Variants in GRIA1 observed in about 807,000 individuals in gnomAD.
The protein encoded by GRIA1 is glutamate ionotropic receptor AMPA type subunit 1.
Under a neutral mutation model 99.2 loss-of-function variants are expected in GRIA1, and 31 were observed. That is an observed-to-expected ratio of 0.31 (90% CI 0.23 to 0.42). The LOEUF is 0.42. GRIA1 is among the 10% of genes least tolerant of loss of function. The pLI is 1.00. For missense variants in GRIA1, 782 were observed against 1,157.5 expected (o/e 0.68, Z 4.71); for synonymous variants, 438 against 432.4 (o/e 1.01, Z -0.16).
At chr5:153,678,840 G>A (rs1182151437) in intron 7 of GRIA1, among the ~76,000 whole-genome samples, 2 of 152,174 alleles carry the variant, frequency 1.3e-5, no homozygotes, top group African/African-American at 4.8e-5. Context: ...CGTCCAGCTG[G>A]GCCCCTGGCT....
chr5:153,621,427 C>A (rs1270745901), intron 2 of GRIA1, among the ~76,000 whole-genome samples: 1 of 145,116 alleles, frequency 6.9e-6, no homozygotes, highest in Admixed American at 6.9e-5. Context: ...CACAGTGAGA[C>A]CCTATCTTTA....
chr5:153,704,827 A>C (rs1275874671), intron 10 of GRIA1, among the ~76,000 whole-genome samples: 1 of 152,178 alleles, frequency 6.6e-6, no homozygotes, highest in African/African-American at 2.4e-5. Context: ...TATATCTTGG[A>C]TAACACATAC....
chr5:153,530,228 C>T (rs185386252), intron 2 of GRIA1, among the ~76,000 whole-genome samples: 258 of 152,328 alleles, frequency 1.7e-3, no homozygotes, highest in African/African-American at 5.9e-3. Flanking sequence ...GGTCACATAG[C>T]TAATAGTGGT....
At chr5:153,559,828 C>T (rs115296433) in intron 2 of GRIA1, among the ~76,000 whole-genome samples, 1,882 of 151,404 alleles carry the variant, frequency 0.012, 27 homozygotes, top group African/African-American at 0.039. Context: ...TAATTTTATA[C>T]AAAAAAAAAT....
At chr5:153,761,593 G>A (rs1041756017) in intron 11 of GRIA1, among the ~76,000 whole-genome samples, 1 of 152,090 alleles carries the variant, frequency 6.6e-6, no homozygotes, top group African/African-American at 2.4e-5. Flanking sequence ...CAGCCATCAT[G>A]GACAGCATTA....
At position 153,580,252 on chromosome 5, in the gene GRIA1, A is replaced by G. The variant is rs138853059; in HGVS notation, c.221-66676A>G. On this transcript the variant is annotated intron_variant, in intron 2 of 15. Transcript: ENST00000285900. ...GTTAATTGATAATTTTTTCTTTGCA[A>G]TGGAAGGGAGGTCTCTGTGACCTTG... Among the ~76,000 whole-genome samples the G allele has an allele frequency of 1.1e-4, 16 of 152,294 alleles. No individual in the cohort carries two copies. The East Asian group carries it at 2.7e-3, about 26-fold the overall frequency.
intron 2 of GRIA1, among the ~76,000 whole-genome samples, chr5:153,616,307 T>G (rs1766496625): frequency 6.6e-6 from 1 of 152,224 alleles, no homozygotes; most frequent in Non-Finnish European, 1.5e-5. Flanking sequence ...GTGTGTTTCC[T>G]GATTATAATT....
intron 2 of GRIA1, among the ~76,000 whole-genome samples, chr5:153,520,038 T>A (rs189069107): frequency 1.3e-5 from 2 of 152,158 alleles, no homozygotes; most frequent in Non-Finnish European, 2.9e-5. Context: ...GTTAGGTTCG[T>A]AGTAACAATA....
At chr5:153,760,753 C>T (rs1763127065) in intron 11 of GRIA1, among the ~76,000 whole-genome samples, 1 of 152,058 alleles carries the variant, frequency 6.6e-6, no homozygotes. Context: ...CTAGAAGCAC[C>T]ACACTACCTG....
At chr5:153,668,414 G>GA (rs1398305496) in intron 5 of GRIA1, among the ~76,000 whole-genome samples, 2 of 151,994 alleles carry the variant, frequency 1.3e-5, no homozygotes, top group East Asian at 1.9e-4. Flanking sequence ...TAATTGTTGG[G>GA]AAAAAAATCA....
chr5:153,542,372 A>C (rs1431479056), intron 2 of GRIA1, among the ~76,000 whole-genome samples: 1 of 152,148 alleles, frequency 6.6e-6, no homozygotes, highest in Non-Finnish European at 1.5e-5. Context: ...ATCAGCATGG[A>C]TCACAATTCT....
intron 13 of GRIA1, among the ~76,000 whole-genome samples, chr5:153,793,223 A>C (rs556398490): frequency 4.9e-4 from 75 of 152,340 alleles, no homozygotes; most frequent in African/African-American, 1.8e-3. Flanking sequence ...AACTGTCTAC[A>C]TTCAGCAGTG....
chr5:153,636,383 A>G (rs1199256618), intron 2 of GRIA1, among the ~76,000 whole-genome samples: 1 of 152,188 alleles, frequency 6.6e-6, no homozygotes, highest in Admixed American at 6.5e-5. Context: ...GGAGTTTACA[A>G]ACTACAGCCC....
intron 2 of GRIA1, among the ~76,000 whole-genome samples, chr5:153,533,799 G>A (rs1014056627): frequency 2.0e-5 from 3 of 152,182 alleles, no homozygotes; most frequent in Admixed American, 6.5e-5. Flanking sequence ...TATGAGTGCC[G>A]AGCATTCTTC....
intron 5 of GRIA1, among the ~76,000 whole-genome samples, chr5:153,671,686 T>C (rs1561751224): frequency 1.3e-5 from 2 of 152,228 alleles, no homozygotes; most frequent in African/African-American, 2.4e-5. Context: ...TCCTGGATAA[T>C]TGGCTTTCTT....
chr5:153,811,393 G>T lies in GRIA1; in HGVS notation c.*168G>T. The T allele has an allele frequency of 1.7e-6, 1 of 598,660 alleles. No individual in the cohort carries two copies. The allele number at this position is 598,660 out of a possible 1,614,324, so 37.1% of individuals were successfully genotyped here. A position where few individuals can be genotyped will look rare whatever the true frequency, so the allele number is the denominator to read the frequency against. ...TCCTGAAGAATTGAAAAACCATTTT[G>T]CTGTCCCTTTTCCTTTTTTGATGTT... On this transcript the variant is annotated 3_prime_UTR_variant, in exon 16 of 16. Coordinates refer to ENST00000285900, the MANE Select transcript of GRIA1 (RefSeq NM_000827.4).
chr5:153,643,835 T>G (rs1374520248), intron 2 of GRIA1, among the ~76,000 whole-genome samples: 1 of 152,194 alleles, frequency 6.6e-6, no homozygotes, highest in Non-Finnish European at 1.5e-5. Flanking sequence ...TGTCCTGGCC[T>G]CCTGTGTGTC....
In GRIA1 at chr5:153,728,876, A is replaced by G. The variant is rs1015579114; in HGVS notation, c.1823+22809A>G. Reference sequence around the variant, plus strand: ...AAATACCATTTGACCCAGCCATCCCATTACTGGGTATATACCCAAAGGACT... The same window carrying G: ...AAATACCATTTGACCCAGCCATCCCGTTACTGGGTATATACCCAAAGGACT... On this transcript the variant is annotated intron_variant, in intron 11 of 15. Coordinates refer to ENST00000285900, the MANE Select transcript of GRIA1 (RefSeq NM_000827.4). Among the ~76,000 whole-genome samples, 14 of 111,052 alleles carry G rather than the reference A, an allele frequency of 1.3e-4. 1 individual carries two copies. The highest frequency in any genetic ancestry group is 5.1e-4 in the African/African-American group (14 of 27,212). The allele number at this position is 111,052 out of a possible 152,430, so 72.9% of individuals were successfully genotyped here.
chr5:153,680,371 G>A (rs1316915532), intron 7 of GRIA1, among the ~76,000 whole-genome samples: 2 of 152,098 alleles, frequency 1.3e-5, no homozygotes, highest in Non-Finnish European at 2.9e-5. Context: ...CAGGAAGGAT[G>A]CTCATATGTC....
Sources: allele counts gnomAD v4.1 joint callset (sites outside exome capture counted in the v4.1 genomes callset), GRCh38; gene constraint gnomAD v4.1.1; transcripts MANE v1.5; gene names NCBI Gene and HGNC (gene_info 2026-07-23, HGNC 2026-07-21).